The following BCL2 variants were observed in gnomAD, a reference collection of about 807,000 sequenced individuals.
The protein encoded by BCL2 is BCL2 apoptosis regulator, also known as apoptosis regulator Bcl-2.
Under a neutral mutation model 14.2 loss-of-function variants are expected in BCL2, and 1 was observed. The observed-to-expected ratio is 0.07, with a 90% CI of 0.02 to 0.33. The LOEUF is 0.33. BCL2 is among the 10% of genes least tolerant of loss of function. The pLI, the probability that BCL2 is intolerant of heterozygous loss-of-function variation, is 0.99. For synonymous variants in BCL2, 151 were observed against 137.2 expected, an observed-to-expected ratio of 1.10 and a Z score of -0.70; for missense variants, 247 against 305.9, an observed-to-expected ratio of 0.81 and a Z score of 1.44.
chr18:63,207,744 A>G (rs898691528), intron 2 of BCL2: 3 of 152,216 alleles, frequency 2.0e-5, no homozygotes, highest in Admixed American at 6.5e-5. Flanking sequence ...AATGGTCTCA[A>G]TTTAAATTCT....
chr18:63,249,953 C>A (rs1441876989), intron 2 of BCL2, among the ~76,000 whole-genome samples: 4 of 152,082 alleles, frequency 2.6e-5, no homozygotes, highest in Non-Finnish European at 5.9e-5. Flanking sequence ...CCGAATGCCG[C>A]ACCGCACACT....
intron 2 of BCL2, among the ~76,000 whole-genome samples, chr18:63,307,749 A>C (rs148963381): frequency 6.6e-6 from 1 of 152,278 alleles, no homozygotes; most frequent in Non-Finnish European, 1.5e-5. Flanking sequence ...TTCTGAATTC[A>C]CTCATAGATA....
chr18:63,211,182 C>T (rs1046022164), intron 2 of BCL2, among the ~76,000 whole-genome samples: 18 of 149,970 alleles, frequency 1.2e-4, no homozygotes, highest in African/African-American at 3.7e-4. Context: ...GCGATTCTCC[C>T]GAGTAGCTGG....
intron 2 of BCL2, among the ~76,000 whole-genome samples, chr18:63,219,365 T>G (rs1427011097): frequency 6.6e-6 from 1 of 152,138 alleles, no homozygotes; most frequent in Non-Finnish European, 1.5e-5. Context: ...GGTTCTAAAG[T>G]TGCCTCTAGG....
intron 2 of BCL2, among the ~76,000 whole-genome samples, chr18:63,191,604 G>A (rs1280162616): frequency 6.6e-6 from 1 of 152,240 alleles, no homozygotes; most frequent in East Asian, 1.9e-4. Context: ...GTGGGTTTCT[G>A]GTGAAATCAC....
rs941009940 is a variant in BCL2, at chr18:63,319,752, T to G, written c.-865A>C. On this transcript the variant is annotated 5_prime_UTR_variant, in exon 1 of 3. Coordinates refer to ENST00000333681, the MANE Select transcript of BCL2 (RefSeq NM_000633.3). ...CCGAGCGCTAGAAGCCCGCGCTGTG[T>G]GTGGTGCGGCGAGGGGTGGGGAGAA... 3 of 205,736 alleles carry G rather than the reference T, an allele frequency of 1.5e-5. No individual in the cohort carries two copies. The highest frequency in any genetic ancestry group is 3.0e-5 in the Non-Finnish European group (3 of 100,552). The allele number at this position is 205,736 out of a possible 1,614,324, so 12.7% of individuals were successfully genotyped here.
Position 63,156,087 on chromosome 18 carries a change from C to CAAAAAAAAAAAA in BCL2, c.586-27340_586-27329dup, listed in dbSNP as rs10640757. On this transcript the variant is annotated intron_variant, in intron 2 of 2. Transcript: ENST00000333681. The stretch of plus-strand genomic sequence containing the variant: ...ATATTCATGAGGCTTGCTGAGAAGC[C>CAAAAAAAAAAAA]AAAAAAAAAAAAAAAAAAAGGCTTG... 3.1e-5 allele frequency among the ~76,000 whole-genome samples: 2 copies of CAAAAAAAAAAAA among 64,248 alleles called. 1 individual carries two copies. The allele number at this position is 64,248 out of a possible 152,430, so 42.1% of individuals were successfully genotyped here.
At chr18:63,280,690 C>T (rs1303136446) in intron 2 of BCL2, among the ~76,000 whole-genome samples, 4 of 152,270 alleles carry the variant, frequency 2.6e-5, no homozygotes, top group East Asian at 1.9e-4. Flanking sequence ...TAAGAAATAT[C>T]GGTCAGGAAT....
rs1913824650 is a variant in BCL2 at position 63,123,404 on chromosome 18, G to A, written c.*5221C>T. The A allele has an allele frequency of 1.5e-5, 3 of 195,574 alleles. No individual in the cohort carries two copies. In the East Asian group the frequency reaches 2.4e-4, roughly 16 times the overall value. The allele number at this position is 195,574 out of a possible 1,614,324, so 12.1% of individuals were successfully genotyped here. ...AATATTAACTAGACAGACAAGGAAA[G>A]TTTAATGGCAATGTGACTTTTTCCA... On this transcript the variant is annotated 3_prime_UTR_variant, in exon 3 of 3. Coordinates refer to ENST00000333681, the MANE Select transcript of BCL2 (RefSeq NM_000633.3).
intron 2 of BCL2, among the ~76,000 whole-genome samples, chr18:63,234,907 C>T (rs1910781678): frequency 1.3e-5 from 2 of 151,968 alleles, no homozygotes; most frequent in Non-Finnish European, 2.9e-5. Context: ...ATTACAAAAC[C>T]AAGAGAAGAT....
chr18:63,176,270 T>A (rs963448066), intron 2 of BCL2, among the ~76,000 whole-genome samples: 6 of 152,226 alleles, frequency 3.9e-5, no homozygotes, highest in Non-Finnish European at 7.3e-5. Context: ...AATTGGTCTG[T>A]CTCTCATCCT....
intron 2 of BCL2, among the ~76,000 whole-genome samples, chr18:63,286,949 C>T (rs1267936223): frequency 3.9e-5 from 6 of 152,126 alleles, no homozygotes; most frequent in Non-Finnish European, 8.8e-5. Flanking sequence ...TACAGGTCTC[C>T]CGAGGCCACT....
chr18:63,284,425 A>G (rs1263608358), intron 2 of BCL2, among the ~76,000 whole-genome samples: 7 of 152,182 alleles, frequency 4.6e-5, no homozygotes, highest in Non-Finnish European at 1.0e-4. Flanking sequence ...TGTGTGTGCT[A>G]AGCACAGTCC....
At chr18:63,239,665 G>T (rs1186193418) in intron 2 of BCL2, among the ~76,000 whole-genome samples, 2 of 151,934 alleles carry the variant, frequency 1.3e-5, no homozygotes, top group African/African-American at 4.8e-5. Context: ...GCTTGAACCC[G>T]AGAGGTGGAG....
chr18:63,288,513 G>T (rs1912537450), intron 2 of BCL2, among the ~76,000 whole-genome samples: 1 of 152,202 alleles, frequency 6.6e-6, no homozygotes, highest in Admixed American at 6.5e-5. Context: ...AAGGGAAGAT[G>T]GGCATTGACT....
chr18:63,317,560 GAT>G, intron 2 of BCL2: 14 of 987,416 alleles, frequency 1.4e-5, no homozygotes, highest in Non-Finnish European at 1.7e-5. Context: ...AAATTTTACC[GAT>G]TGATGATGCC....
chr18:63,211,962 G>C (rs540264997), intron 2 of BCL2, among the ~76,000 whole-genome samples: 73 of 152,200 alleles, frequency 4.8e-4, no homozygotes, highest in Non-Finnish European at 8.8e-4. Flanking sequence ...CTTCTCTGAG[G>C]GAGGATGGTG....
At chr18:63,198,818 G>GACATACACAGACACAGACACAGAGAC (rs1909567855) in intron 2 of BCL2, among the ~76,000 whole-genome samples, 1 of 109,364 alleles carries the variant, frequency 9.1e-6, no homozygotes, top group Non-Finnish European at 1.8e-5. Flanking sequence ...GAGACACACA[G>GACATACACAGACACAGACACAGAGAC]ACACACAGAC....
intron 2 of BCL2, among the ~76,000 whole-genome samples, chr18:63,194,288 G>A (rs1909378845): frequency 6.6e-6 from 1 of 151,882 alleles, no homozygotes; most frequent in Non-Finnish European, 1.5e-5. Context: ...TATCTTAGCA[G>A]AATTATTGGA....
Sources: allele counts gnomAD v4.1 joint callset (sites outside exome capture counted in the v4.1 genomes callset), GRCh38; gene constraint gnomAD v4.1.1; transcripts MANE v1.5; gene names NCBI Gene and HGNC (gene_info 2026-07-23, HGNC 2026-07-21).